MAPK6: variants seen among roughly 807,000 people sequenced by gnomAD.
MAPK6 encodes mitogen-activated protein kinase 6.
A neutral mutation model predicts 59.3 loss-of-function variants in MAPK6; 19 were observed. The ratio of observed to expected loss-of-function variants is 0.32; its 90% CI spans 0.22 to 0.47. MAPK6 has a LOEUF of 0.47. Among genes scored for constraint, MAPK6 ranks in the 20% least tolerant of loss-of-function variants. MAPK6 has a pLI of 1.00. For synonymous variants in MAPK6, 316 were observed against 290.3 expected, an observed-to-expected ratio of 1.09 and a Z score of -0.90; for missense variants, 724 against 847.9, an observed-to-expected ratio of 0.85 and a Z score of 1.81.
Position 52,045,919 on chromosome 15 carries a change from A to T in MAPK6, c.-542A>T, listed in dbSNP as rs1485118136. 6.5e-6 allele frequency: 1 copy of T among 153,152 alleles called. No individual in the cohort carries two copies. Among genetic ancestry groups the T allele is most frequent in the Non-Finnish European group, 1.5e-5 (1 of 68,422 alleles). 9.5% of individuals were successfully genotyped at this position (153,152 alleles called of 1,614,324 possible). A position where few individuals can be genotyped will look rare whatever the true frequency, so the allele number is the denominator to read the frequency against. ...CACTAACAAAAGACATCTTCTGTTAACCAACAGCCGCCAGGGCTTCCTGTT... is the reference window on the plus strand; with the variant it reads ...CACTAACAAAAGACATCTTCTGTTATCCAACAGCCGCCAGGGCTTCCTGTT... On this transcript the variant is annotated 5_prime_UTR_variant, in exon 2 of 6. Coordinates refer to ENST00000261845, the MANE Select transcript of MAPK6 (RefSeq NM_002748.4).
Position 52,065,805 on chromosome 15 carries a change from G to C in MAPK6, c.*805G>C, listed in dbSNP as rs1357490774. The C allele has an allele frequency of 6.6e-6, 1 of 152,566 alleles. No individual in the cohort carries two copies. Among genetic ancestry groups the C allele is most frequent in the Non-Finnish European group, 1.5e-5 (1 of 68,040 alleles). The allele number at this position is 152,566 out of a possible 1,614,324, so 9.5% of individuals were successfully genotyped here. A position where few individuals can be genotyped will look rare whatever the true frequency, so the allele number is the denominator to read the frequency against. On this transcript the variant is annotated 3_prime_UTR_variant, in exon 6 of 6. Transcript: ENST00000261845. Reference sequence around the variant, plus strand: ...CTACCTAGCTGCATCTATAATGTCAGCTTATCCTAAGGCTGTCCACGTACT... The same window carrying C: ...CTACCTAGCTGCATCTATAATGTCACCTTATCCTAAGGCTGTCCACGTACT...
intron 1 of MAPK6, among the ~76,000 whole-genome samples, chr15:51,980,867 C>A (rs1048003088): frequency 1.3e-5 from 2 of 151,278 alleles, no homozygotes; most frequent in Non-Finnish European, 2.9e-5. Flanking sequence ...GTTGGGATTA[C>A]AGGCATGAGC....
chr15:52,059,506 C>T lies in MAPK6; in HGVS notation c.865+709C>T, dbSNP rs557188628. Among the ~76,000 whole-genome samples the T allele has an allele frequency of 3.7e-4, 56 of 152,192 alleles. No homozygotes were observed. The South Asian group carries it at 0.011, about 30-fold the overall frequency. On this transcript the variant is annotated intron_variant, in intron 4 of 5. Transcript: ENST00000261845. Reference sequence around the variant, plus strand: ...GGGAACAGGGTGGGTGTCTGCATACCCTCTCTAAGGTGTGACTCTGCTCAG... The same window carrying T: ...GGGAACAGGGTGGGTGTCTGCATACTCTCTCTAAGGTGTGACTCTGCTCAG...
upstream of MAPK6, among the ~76,000 whole-genome samples, chr15:52,016,068 G>GCACA (rs1183676940): frequency 0.017 from 587 of 35,570 alleles, 2 homozygotes; most frequent in East Asian, 0.024. Context: ...GCGCGCGCGC[G>GCACA]CGCACACACA....
intron 3 of MAPK6, among the ~76,000 whole-genome samples, chr15:52,013,813 A>G (rs1316959941): frequency 6.6e-6 from 1 of 152,216 alleles, no homozygotes; most frequent in East Asian, 1.9e-4. Flanking sequence ...AGATTCTTCT[A>G]CCTGCTCCAG....
At chr15:52,057,492 T>C (rs547854828) in intron 3 of MAPK6, among the ~76,000 whole-genome samples, 1 of 152,254 alleles carries the variant, frequency 6.6e-6, no homozygotes, top group South Asian at 2.1e-4. Flanking sequence ...CTTTCTTCCA[T>C]ATGAATGTTT....
In MAPK6 at chr15:52,065,300, G is replaced by T. The variant is rs1187551197; in HGVS notation, c.*300G>T. On this transcript the variant is annotated 3_prime_UTR_variant, in exon 6 of 6. Coordinates refer to ENST00000261845, the MANE Select transcript of MAPK6 (RefSeq NM_002748.4). ...CATAGAACATTGATCTGTTTTACAG[G>T]AAACAAACCTTGCCTTGAAATTTAC... 1 of 234,294 alleles carries T rather than the reference G, an allele frequency of 4.3e-6. No individual in the cohort carries two copies. The highest frequency in any genetic ancestry group is 8.2e-6 in the Non-Finnish European group (1 of 121,792). 14.5% of individuals were successfully genotyped at this position (234,294 alleles called of 1,614,324 possible).
intron 1 of MAPK6, among the ~76,000 whole-genome samples, chr15:52,040,885 G>A (rs2031397774): frequency 6.6e-6 from 1 of 152,100 alleles, no homozygotes; most frequent in South Asian, 2.1e-4. Context: ...CAAAGAAAAA[G>A]CAAAAAGCCA....
chr15:52,064,036 A>G lies in MAPK6; in HGVS notation c.1202A>G (p.Tyr401Cys), dbSNP rs2032311570. 6.2e-7 allele frequency: 1 copy of G among 1,613,670 alleles called. No homozygotes were observed. The stretch of plus-strand genomic sequence containing the variant: ...GAAGTACAAGTTGATCCCCGAAAAT[A>G]TTTGGATGGAGATCGGGAAAAGTAT... ...EEEVQVDPRK[Y>C]LDGDREKYLE... Residue 401 changes from tyrosine to cysteine, a missense_variant, in exon 6 of 6, where the codon TAT becomes TGT. Tyr to Cys is a radical substitution (Grantham distance 194). Coordinates refer to ENST00000261845, the MANE Select transcript of MAPK6 (RefSeq NM_002748.4).
intron 2 of MAPK6, among the ~76,000 whole-genome samples, chr15:51,987,906 C>T (rs2057196169): frequency 6.6e-6 from 1 of 151,786 alleles, no homozygotes; most frequent in South Asian, 2.1e-4. Flanking sequence ...GCTGGGATTA[C>T]AGGCGCACGC....
At chr15:52,036,847 G>A (rs1387310792) in intron 1 of MAPK6, among the ~76,000 whole-genome samples, 1 of 101,278 alleles carries the variant, frequency 9.9e-6, no homozygotes, top group Non-Finnish European at 2.0e-5. Flanking sequence ...CCCTTTTTTT[G>A]TGAAAGCAGG....
At chr15:52,014,702 C>CT (rs912979646), upstream of MAPK6, among the ~76,000 whole-genome samples, 1 of 115,218 alleles carries the variant, frequency 8.7e-6, no homozygotes, top group African/African-American at 3.8e-5. Flanking sequence ...GTGAGATTTT[C>CT]TAAAAAAAAA....
At chr15:52,038,806 G>A (rs1391042558) in intron 1 of MAPK6, among the ~76,000 whole-genome samples, 1 of 152,190 alleles carries the variant, frequency 6.6e-6, no homozygotes, top group East Asian at 1.9e-4. Flanking sequence ...CCAGCCGTAA[G>A]TTTGTAGAAG....
intron 1 of MAPK6, among the ~76,000 whole-genome samples, chr15:51,973,016 A>C (rs2057141890): frequency 6.6e-6 from 1 of 151,636 alleles, no homozygotes; most frequent in Non-Finnish European, 1.5e-5. Context: ...TTCTTAGAAG[A>C]AAAAGTGAGA....
intron 1 of MAPK6, among the ~76,000 whole-genome samples, chr15:51,971,968 CA>C (rs1345012553): frequency 4.6e-5 from 7 of 151,446 alleles, no homozygotes; most frequent in Non-Finnish European, 7.4e-5. Flanking sequence ...GGATTCTTAC[CA>C]GGGGGCGGGG....
intron 2 of MAPK6, among the ~76,000 whole-genome samples, chr15:52,001,107 G>A (rs1329985093): frequency 3.3e-5 from 5 of 152,258 alleles, no homozygotes; most frequent in African/African-American, 7.2e-5. Context: ...GTCCTTTCTC[G>A]TGAATGGGGT....
Position 51,991,146 on chromosome 15 carries a change from T to C in MAPK6, c.-770+7831T>C, listed in dbSNP as rs75869650. ...TCCATCTCAAAAAGAAATATATATATATACACACACACACACACACACACA... is the reference window on the plus strand; with the variant it reads ...TCCATCTCAAAAAGAAATATATATACATACACACACACACACACACACACA... On this transcript the variant is annotated intron_variant, in intron 2 of 7. Coordinates refer to the MAPK6 transcript ENST00000691380. 5.5e-3 allele frequency among the ~76,000 whole-genome samples: 666 copies of C among 120,400 alleles called. 13 individuals carry two copies. Among genetic ancestry groups the C allele is most frequent in the East Asian group, 0.053 (208 of 3,936 alleles). The allele number at this position is 120,400 out of a possible 152,430, so 79.0% of individuals were successfully genotyped here.
rs2032366099 is a variant in MAPK6 at position 52,065,147 on chromosome 15, TTCTTTTTCTACATGTGAGATAGTTTTCA to T, written c.*149_*176del. 10 of 710,338 alleles carry T rather than the reference TTCTTTTTCTACATGTGAGATAGTTTTCA, an allele frequency of 1.4e-5. No individual in the cohort carries two copies. The East Asian group carries it at 3.0e-4, about 21-fold the overall frequency. The allele number at this position is 710,338 out of a possible 1,614,324, so 44.0% of individuals were successfully genotyped here. On this transcript the variant is annotated 3_prime_UTR_variant, in exon 6 of 6. Transcript: ENST00000261845. ...GTTCTTGTTTTTTAAAATCCAGACT[TTCTTTTTCTACATGTGAGATAGTTTTCA>T]TTTTAACTGGCATGTCATTTGCACA... is the stretch of plus-strand genomic sequence containing the variant.
At chr15:52,045,272 T>C (rs2031562763) in intron 1 of MAPK6, among the ~76,000 whole-genome samples, 1 of 152,236 alleles carries the variant, frequency 6.6e-6, no homozygotes, top group Non-Finnish European at 1.5e-5. Context: ...AAATGTTCTC[T>C]TAAGGTAATC....
Sources: gnomAD v4.1 joint callset for allele counts (sites outside exome capture counted in the v4.1 genomes callset) on GRCh38, gnomAD v4.1.1 for gene constraint, MANE v1.5 for transcripts, NCBI Gene and HGNC (gene_info 2026-07-23, HGNC 2026-07-21) for gene names.